The following FGF14 variants were observed in gnomAD, a reference collection of about 807,000 sequenced individuals.
The protein encoded by FGF14 is fibroblast growth factor homologous factor 4.
In FGF14, 5 loss-of-function variants were observed where a neutral mutation model predicts 25.5. That is an observed-to-expected ratio of 0.20 (90% CI 0.10 to 0.41). FGF14 has a LOEUF of 0.41. Among genes scored for constraint, FGF14 ranks in the 10% least tolerant of loss-of-function variants. The pLI is 1.00. For synonymous variants in FGF14, 138 were observed against 118.3 expected, an observed-to-expected ratio of 1.17 and a Z score of -1.08; for missense variants, 222 against 320.1, an observed-to-expected ratio of 0.69 and a Z score of 2.34.
At chr13:102,028,937 TC>T (rs1266043208) in intron 1 of FGF14, among the ~76,000 whole-genome samples, 2 of 152,038 alleles carry the variant, frequency 1.3e-5, no homozygotes, top group African/African-American at 2.4e-5. Context: ...ATGTGCCTTT[TC>T]TCTCCACAGG....
chr13:101,854,576 C>T lies in FGF14; in HGVS notation c.408+14149G>A, dbSNP rs567286150. On this transcript the variant is annotated intron_variant, in intron 3 of 4. Coordinates refer to ENST00000376143, the MANE Select transcript of FGF14 (RefSeq NM_004115.4). ...CACAATATCTGAAGATTAAACGAAA[C>T]ATAATGGAGTGTTTTATGCATTTCT... 1.1e-4 allele frequency among the ~76,000 whole-genome samples: 16 copies of T among 152,140 alleles called. No individual in the cohort carries two copies. The South Asian group carries it at 3.1e-3, about 30-fold the overall frequency.
chr13:101,922,572 T>C (rs2139177781), intron 1 of FGF14, among the ~76,000 whole-genome samples: 1 of 152,300 alleles, frequency 6.6e-6, no homozygotes, highest in South Asian at 2.1e-4. Context: ...ATTTGCTACA[T>C]CTAATCATGT....
chr13:101,746,383 C>G (rs1280487700), intron 3 of FGF14, among the ~76,000 whole-genome samples: 1 of 152,006 alleles, frequency 6.6e-6, no homozygotes. Flanking sequence ...TGTTCTCAGT[C>G]TCAATTCACA....
intron 1 of FGF14, among the ~76,000 whole-genome samples, chr13:102,113,937 G>C (rs2045347098): frequency 6.6e-6 from 1 of 152,154 alleles, no homozygotes; most frequent in Non-Finnish European, 1.5e-5. Context: ...CACCATGTTG[G>C]GGCTCACCTC....
At chr13:101,799,090 G>A (rs375064687) in intron 3 of FGF14, among the ~76,000 whole-genome samples, 11 of 152,150 alleles carry the variant, frequency 7.2e-5, no homozygotes, top group Middle Eastern at 3.4e-3. Context: ...GACTTCCAGC[G>A]AATTTTTTAT....
intron 1 of FGF14, among the ~76,000 whole-genome samples, chr13:102,128,260 G>A (rs1367637024): frequency 7.6e-6 from 1 of 131,674 alleles, no homozygotes; most frequent in Non-Finnish European, 1.8e-5. Flanking sequence ...GCCCATACTA[G>A]GAGCTCAGTA....
intron 3 of FGF14, among the ~76,000 whole-genome samples, chr13:101,846,216 A>T (rs550541380): frequency 6.6e-6 from 1 of 151,914 alleles, no homozygotes; most frequent in Non-Finnish European, 1.5e-5. Flanking sequence ...AAAAGAAAAC[A>T]TGTTTTGACC....
intron 1 of FGF14, among the ~76,000 whole-genome samples, chr13:101,893,629 C>A (rs887826787): frequency 1.3e-5 from 2 of 152,180 alleles, no homozygotes; most frequent in Middle Eastern, 3.4e-3. Flanking sequence ...CAGAAAAATG[C>A]AACATTGTTG....
chr13:102,161,621 A>AGACGAAGAAGAC (rs1566764544), intron 1 of FGF14, among the ~76,000 whole-genome samples: 5 of 7,830 alleles, frequency 6.4e-4, no homozygotes, highest in Non-Finnish European at 1.1e-3. Context: ...AAGAAGAAGA[A>AGACGAAGAAGAC]GAAGAAGAAG....
chr13:102,355,242 T>A lies in FGF14; in HGVS notation c.208+46229A>T, dbSNP rs2057389469. 2.0e-5 allele frequency among the ~76,000 whole-genome samples: 3 copies of A among 152,158 alleles called. No homozygotes were observed. In the South Asian group the frequency reaches 6.2e-4, roughly 32 times the overall value. ...CCAACAAAGCATGGACTTACGTAGATCCTGACAAAAAACAAATGCATTAGG... is the reference window on the plus strand; with the variant it reads ...CCAACAAAGCATGGACTTACGTAGAACCTGACAAAAAACAAATGCATTAGG... On this transcript the variant is annotated intron_variant, in intron 1 of 4. Coordinates refer to the FGF14 transcript ENST00000376131.
chr13:102,367,042 G>C (rs1456710396), intron 1 of FGF14, among the ~76,000 whole-genome samples: 1 of 152,168 alleles, frequency 6.6e-6, no homozygotes, highest in Non-Finnish European at 1.5e-5. Context: ...ATCCAAAAAG[G>C]TTTGTACTGT....
chr13:101,820,125 G>T (rs1566939652), intron 3 of FGF14, among the ~76,000 whole-genome samples: 1 of 151,952 alleles, frequency 6.6e-6, no homozygotes, highest in African/African-American at 2.4e-5. Context: ...GGCCCCAAAG[G>T]ATATAAAATG....
chr13:102,396,022 C>T (rs1431276927), intron 1 of FGF14, among the ~76,000 whole-genome samples: 4 of 152,172 alleles, frequency 2.6e-5, no homozygotes, highest in Non-Finnish European at 4.4e-5. Flanking sequence ...AGAGCTATTG[C>T]ATCTCTAGAG....
chr13:101,987,537 CA>C (rs2038657038), intron 1 of FGF14, among the ~76,000 whole-genome samples: 1 of 152,068 alleles, frequency 6.6e-6, no homozygotes, highest in Non-Finnish European at 1.5e-5. Context: ...CTTAATTTTA[CA>C]AATTTATCTT....
chr13:102,298,630 A>G (rs1271906074), intron 1 of FGF14, among the ~76,000 whole-genome samples: 1 of 151,994 alleles, frequency 6.6e-6, no homozygotes, highest in African/African-American at 2.4e-5. Context: ...TGCGTTGTGC[A>G]CTTCTGTCAC....
intron 3 of FGF14, among the ~76,000 whole-genome samples, chr13:101,859,005 T>C (rs9518587): frequency 0.15 from 22,141 of 152,098 alleles, 1,826 homozygotes; most frequent in South Asian, 0.18. Context: ...TCTGCCTCTG[T>C]GTCTGTGGAT....
At chr13:102,381,914 C>T (rs1051273510) in intron 1 of FGF14, among the ~76,000 whole-genome samples, 11 of 152,156 alleles carry the variant, frequency 7.2e-5, no homozygotes, top group Admixed American at 7.2e-4. Flanking sequence ...AGATTATCAA[C>T]AAATGTTCCT....
chr13:101,840,319 G>A (rs531597695), intron 3 of FGF14, among the ~76,000 whole-genome samples: 9 of 151,494 alleles, frequency 5.9e-5, no homozygotes, highest in Non-Finnish European at 1.3e-4. Flanking sequence ...TTTAAAATAC[G>A]TTATGAAAAA....
At chr13:102,226,793 A>G (rs1431397655) in intron 1 of FGF14, among the ~76,000 whole-genome samples, 2 of 152,096 alleles carry the variant, frequency 1.3e-5, no homozygotes, top group Non-Finnish European at 2.9e-5. Context: ...TATTTCTAAC[A>G]CTGTCAGCAC....
Sources: allele counts gnomAD v4.1 joint callset (sites outside exome capture counted in the v4.1 genomes callset), GRCh38; gene constraint gnomAD v4.1.1; transcripts MANE v1.5; gene names NCBI Gene and HGNC (gene_info 2026-07-23, HGNC 2026-07-21).